MXI1: variants seen among roughly 807,000 people sequenced by gnomAD.
MXI1 encodes the protein max-interacting protein 1.
In MXI1, 18 loss-of-function variants were observed where a neutral mutation model predicts 36.9. The ratio of observed to expected loss-of-function variants is 0.49; its 90% CI spans 0.34 to 0.72. The LOEUF (loss-of-function observed/expected upper bound fraction) is 0.72, where lower values mean the gene tolerates loss of function less well. Ranked by LOEUF, MXI1 falls within the 30% of genes least tolerant of loss-of-function variation. MXI1 has a pLI of 0.01. For synonymous variants in MXI1, 160 were observed against 146.7 expected, an observed-to-expected ratio of 1.09 and a Z score of -0.65; for missense variants, 304 against 379.1, an observed-to-expected ratio of 0.80 and a Z score of 1.64.
At chr10:110,242,865 C>G (rs113450751) in intron 2 of MXI1, among the ~76,000 whole-genome samples, 33 of 127,282 alleles carry the variant, frequency 2.6e-4, no homozygotes, top group African/African-American at 8.3e-4. Context: ...GGCAAATAGT[C>G]TGCTCTTCTC....
intron 2 of MXI1, among the ~76,000 whole-genome samples, chr10:110,236,615 C>T (rs1855488634): frequency 6.6e-6 from 1 of 152,138 alleles, no homozygotes; most frequent in African/African-American, 2.4e-5. Context: ...TGTGCACTCC[C>T]ACACTCTGCT....
chr10:110,264,742 G>A (rs1246219657), intron 3 of MXI1, among the ~76,000 whole-genome samples: 1 of 152,058 alleles, frequency 6.6e-6, no homozygotes, highest in Non-Finnish European at 1.5e-5. Context: ...ATTTACTCAG[G>A]CAAATTCCTG....
At chr10:110,228,103 G>A (rs984518005) in intron 1 of MXI1, 86 bp from the exon 2 acceptor site, 1 of 1,482,188 alleles carries the variant, frequency 6.7e-7, no homozygotes, top group African/African-American at 1.4e-5. Context: ...TCAAAAACCT[G>A]TTACTGCAAA....
intron 3 of MXI1, among the ~76,000 whole-genome samples, chr10:110,249,991 G>A (rs1340964843): frequency 6.6e-6 from 1 of 152,148 alleles, no homozygotes; most frequent in East Asian, 1.9e-4. Flanking sequence ...ACCAAATGTT[G>A]AGGTTCATAC....
At chr10:110,233,281 A>G (rs574643186) in intron 2 of MXI1, among the ~76,000 whole-genome samples, 3 of 152,294 alleles carry the variant, frequency 2.0e-5, no homozygotes, top group African/African-American at 7.2e-5. Flanking sequence ...TATTTTAGAT[A>G]GAATTATTGT....
intron 1 of MXI1, among the ~76,000 whole-genome samples, chr10:110,223,278 G>A (rs764117050): frequency 1.4e-4 from 21 of 152,176 alleles, no homozygotes; most frequent in South Asian, 8.3e-4. Flanking sequence ...TTGATTGCTT[G>A]TCACACAAGT....
chr10:110,268,463 C>T (rs183047958), intron 3 of MXI1, among the ~76,000 whole-genome samples: 9 of 152,242 alleles, frequency 5.9e-5, no homozygotes, highest in Middle Eastern at 3.4e-3. Flanking sequence ...CCAGATATAA[C>T]TTGAACCCAG....
intron 5 of MXI1, among the ~76,000 whole-genome samples, chr10:110,281,731 G>A (rs2134477206): frequency 6.6e-6 from 1 of 152,256 alleles, no homozygotes; most frequent in African/African-American, 2.4e-5. Flanking sequence ...TCCTCATGGT[G>A]TCATTTAACA....
chr10:110,225,850 A>C, intron 1 of MXI1: 1 of 275,144 alleles, frequency 3.6e-6, no homozygotes, highest in Non-Finnish European at 5.5e-6. Context: ...TGCGGAACGC[A>C]GGCGCCCTGA....
chr10:110,245,608 G>A (rs1855833675), intron 3 of MXI1: 1 of 152,156 alleles, frequency 6.6e-6, no homozygotes, highest in Non-Finnish European at 1.5e-5. Flanking sequence ...AGTAAAGCAT[G>A]CCAGGTGTTG....
intron 1 of MXI1, among the ~76,000 whole-genome samples, chr10:110,213,090 G>A (rs1854548674): frequency 6.6e-6 from 1 of 152,160 alleles, no homozygotes; most frequent in Admixed American, 6.5e-5. Context: ...CGAAGATTTG[G>A]AGACGAGTCA....
intron 5 of MXI1, among the ~76,000 whole-genome samples, chr10:110,281,540 GGTAGAAACA>G (rs1442947493): frequency 8.7e-4 from 132 of 151,934 alleles, no homozygotes; most frequent in African/African-American, 3.2e-3. Flanking sequence ...ACACCGTTTT[GGTAGAAACA>G]AAAACTGATT....
chr10:110,212,331 C>T (rs763609029), intron 1 of MXI1, among the ~76,000 whole-genome samples: 1 of 152,208 alleles, frequency 6.6e-6, no homozygotes, highest in African/African-American at 2.4e-5. Flanking sequence ...TGCCTTCTGA[C>T]TTAATCTCCT....
intron 2 of MXI1, among the ~76,000 whole-genome samples, chr10:110,236,830 G>A (rs1257269257): frequency 6.6e-6 from 1 of 152,058 alleles, no homozygotes; most frequent in Admixed American, 6.5e-5. Context: ...ATTTTTATTG[G>A]GATTGCACTG....
At chr10:110,230,615 T>C (rs1855225709) in intron 2 of MXI1, among the ~76,000 whole-genome samples, 1 of 152,206 alleles carries the variant, frequency 6.6e-6, no homozygotes, top group Non-Finnish European at 1.5e-5. Context: ...CTAGAAATTA[T>C]TTCTCCTTTG....
At chr10:110,221,879 G>T (rs763373383) in intron 1 of MXI1, among the ~76,000 whole-genome samples, 1 of 152,062 alleles carries the variant, frequency 6.6e-6, no homozygotes, top group Admixed American at 6.6e-5. Context: ...GTGCGTTTCC[G>T]TGTGGTTGGG....
intron 3 of MXI1, among the ~76,000 whole-genome samples, chr10:110,250,300 G>A (rs61492404): frequency 6.6e-6 from 1 of 152,254 alleles, no homozygotes; most frequent in African/African-American, 2.4e-5. Context: ...AGGAGATGGA[G>A]GGGAAGCAAA....
intron 3 of MXI1, among the ~76,000 whole-genome samples, chr10:110,248,578 A>G (rs1393380362): frequency 6.6e-6 from 1 of 152,024 alleles, no homozygotes. Context: ...TTCCTATTTT[A>G]TTTACTTAGA....
chr10:110,227,690 T>C (rs1048928584), intron 1 of MXI1: 3 of 377,230 alleles, frequency 8.0e-6, no homozygotes, highest in Non-Finnish European at 1.1e-5. Flanking sequence ...CCTTTAGCGG[T>C]GGCAGCCCAA....
Sources: gnomAD v4.1 joint callset for allele counts (sites outside exome capture counted in the v4.1 genomes callset) on GRCh38, gnomAD v4.1.1 for gene constraint, MANE v1.5 for transcripts, NCBI Gene and HGNC (gene_info 2026-07-23, HGNC 2026-07-21) for gene names.